TULP4: variants seen among roughly 807,000 people sequenced by gnomAD.
The protein encoded by TULP4 is tubby-related protein 4.
TULP4 carries 16 observed loss-of-function variants against 129.0 expected under a neutral mutation model. The ratio of observed to expected loss-of-function variants is 0.12; its 90% CI spans 0.08 to 0.19. TULP4 has a LOEUF of 0.19. TULP4 is among the 10% of genes least tolerant of loss of function. The pLI is 1.00. For synonymous variants in TULP4, 998 were observed against 854.0 expected, an observed-to-expected ratio of 1.17 and a Z score of -2.94; for missense variants, 1,842 against 2,059.1, an observed-to-expected ratio of 0.89 and a Z score of 2.04.
intron 1 of TULP4, among the ~76,000 whole-genome samples, chr6:158,295,073 G>T (rs1256531183): frequency 2.0e-5 from 3 of 152,080 alleles, no homozygotes; most frequent in African/African-American, 7.2e-5. Context: ...ACATTAGGGT[G>T]TTTGCATATT....
At chr6:158,344,845 G>A (rs989147166) in intron 1 of TULP4, among the ~76,000 whole-genome samples, 7 of 152,188 alleles carry the variant, frequency 4.6e-5, no homozygotes, top group Admixed American at 1.3e-4. Flanking sequence ...ATCTAAAGCC[G>A]AGACAAGCTG....
chr6:158,485,714 A>T (rs112667883), intron 8 of TULP4, among the ~76,000 whole-genome samples: 1,591 of 152,326 alleles, frequency 0.01, 27 homozygotes, highest in African/African-American at 0.037. Flanking sequence ...CTGACACCCC[A>T]GTAGGCCTGG....
At chr6:158,444,347 T>C (rs1348441676) in intron 3 of TULP4, among the ~76,000 whole-genome samples, 1 of 149,578 alleles carries the variant, frequency 6.7e-6, no homozygotes, top group East Asian at 2.0e-4. Flanking sequence ...CATTTCTCTA[T>C]CTGCAGCTAC....
At chr6:158,378,621 A>G (rs1306136092) in intron 1 of TULP4, among the ~76,000 whole-genome samples, 5 of 151,952 alleles carry the variant, frequency 3.3e-5, no homozygotes, top group African/African-American at 4.8e-5. Context: ...AGTAGCTGGA[A>G]TTACAGGCAT....
At chr6:158,235,419 A>C (rs1480127231) in intron 1 of TULP4, among the ~76,000 whole-genome samples, 2 of 152,210 alleles carry the variant, frequency 1.3e-5, no homozygotes, top group East Asian at 3.8e-4. Flanking sequence ...GCAATCACAC[A>C]GTATTTGCCC....
intron 1 of TULP4, among the ~76,000 whole-genome samples, chr6:158,267,493 G>A (rs1368681669): frequency 6.6e-6 from 1 of 152,186 alleles, no homozygotes; most frequent in Non-Finnish European, 1.5e-5. Flanking sequence ...AGGGAGGGTA[G>A]GACCTGGGAG....
intron 1 of TULP4, among the ~76,000 whole-genome samples, chr6:158,356,193 G>A (rs529579968): frequency 4.6e-4 from 70 of 152,304 alleles, no homozygotes; most frequent in Middle Eastern, 3.4e-3. Flanking sequence ...TGTTTAAATC[G>A]TGGCTGAAAT....
At chr6:158,366,435 C>T (rs1292752699) in intron 1 of TULP4, among the ~76,000 whole-genome samples, 1 of 152,230 alleles carries the variant, frequency 6.6e-6, no homozygotes, top group African/African-American at 2.4e-5. Context: ...GCTGCAGGCT[C>T]TTGAGCTTCC....
In TULP4 at chr6:158,453,485, C is replaced by CAAAAAAA. The variant is rs869146924; in HGVS notation, c.859+1235_859+1241dup. 2.3e-3 allele frequency among the ~76,000 whole-genome samples: 42 copies of CAAAAAAA among 17,984 alleles called. 5 individuals carry two copies. The highest frequency in any genetic ancestry group is 7.7e-3 in the African/African-American group (37 of 4,796). The allele number at this position is 17,984 out of a possible 152,430, so 11.8% of individuals were successfully genotyped here. ...GGTGACAGAGCGAGACTCTGTCTCA[C>CAAAAAAA]AAAAAAAAAAAAAAAAAAAAAAAAG... On this transcript the variant is annotated intron_variant, in intron 5 of 13. Coordinates refer to ENST00000367097, the MANE Select transcript of TULP4 (RefSeq NM_020245.5).
intron 1 of TULP4, among the ~76,000 whole-genome samples, chr6:158,339,376 A>G (rs1368982435): frequency 4.6e-5 from 7 of 152,194 alleles, no homozygotes; most frequent in Admixed American, 1.3e-4. Context: ...TAGAACCACT[A>G]AAGAACTTCT....
chr6:158,275,268 T>A (rs6927137), intron 1 of TULP4, among the ~76,000 whole-genome samples: 1 of 151,954 alleles, frequency 6.6e-6, no homozygotes, highest in Non-Finnish European at 1.5e-5. Context: ...TCTTCTTCAT[T>A]TGCCACGGTG....
chr6:158,416,227 A>G (rs1778205783), intron 2 of TULP4, among the ~76,000 whole-genome samples: 1 of 152,194 alleles, frequency 6.6e-6, no homozygotes, highest in Non-Finnish European at 1.5e-5. Context: ...CTCCCAGTCC[A>G]CTGACTCAAA....
intron 1 of TULP4, among the ~76,000 whole-genome samples, chr6:158,395,356 G>A (rs1225056839): frequency 2.6e-5 from 4 of 152,094 alleles, no homozygotes; most frequent in South Asian, 2.1e-4. Context: ...TGAGGCAGGC[G>A]GATCACCTAA....
rs966460650 is a variant in TULP4, at chr6:158,493,768, C to T, written c.1776+51C>T. ...TGCTCCCCTCCTCCTGGGGGCTATGCCCAGAGGGCCCCTTCCTACCCGCCG... is the reference window on the plus strand; with the variant it reads ...TGCTCCCCTCCTCCTGGGGGCTATGTCCAGAGGGCCCCTTCCTACCCGCCG... On this transcript the variant is annotated intron_variant, in intron 10 of 13. Coordinates refer to ENST00000367097, the MANE Select transcript of TULP4 (RefSeq NM_020245.5). The surrounding 1 kb of genome is among the most constrained non-coding windows in gnomAD (Gnocchi z 4.4). The T allele has an allele frequency of 2.0e-6, 3 of 1,477,366 alleles. No individual in the cohort carries two copies. The highest frequency in any genetic ancestry group is 2.6e-5 in the East Asian group (1 of 38,270). The allele number at this position is 1,477,366 out of a possible 1,614,324, so 91.5% of individuals were successfully genotyped here.
chr6:158,238,349 T>G, intron 1 of TULP4: 1 of 757,404 alleles, frequency 1.3e-6, no homozygotes, highest in Admixed American at 2.0e-5. Context: ...GAATGTAAAC[T>G]GGCAGATATT....
intron 1 of TULP4, among the ~76,000 whole-genome samples, chr6:158,337,974 C>A (rs766383042): frequency 6.6e-6 from 1 of 152,136 alleles, no homozygotes; most frequent in Non-Finnish European, 1.5e-5. Flanking sequence ...TAAAGTCACA[C>A]TTTCACCCAA....
At chr6:158,498,586 G>T in intron 11 of TULP4, 83 bp from the exon 12 acceptor site, 1 of 1,552,396 alleles carries the variant, frequency 6.4e-7, no homozygotes, top group South Asian at 1.1e-5. Context: ...ACTGCAGTGC[G>T]CTCTTCTTCC....
At chr6:158,248,462 G>A (rs927095877) in intron 1 of TULP4, among the ~76,000 whole-genome samples, 3 of 152,034 alleles carry the variant, frequency 2.0e-5, no homozygotes, top group African/African-American at 4.8e-5. Flanking sequence ...GTAGAGACGG[G>A]GTTTCATTGT....
At chr6:158,442,359 G>A (rs535567198) in intron 3 of TULP4, among the ~76,000 whole-genome samples, 2 of 152,212 alleles carry the variant, frequency 1.3e-5, no homozygotes, top group East Asian at 1.9e-4. Context: ...CTGACACTTG[G>A]GAGGCAGAAT....
Sources: gnomAD v4.1 joint callset for allele counts (sites outside exome capture counted in the v4.1 genomes callset) on GRCh38, gnomAD v4.1.1 for gene constraint, Gnocchi (gnomAD v3.1) non-coding constraint, MANE v1.5 for transcripts, NCBI Gene and HGNC (gene_info 2026-07-23, HGNC 2026-07-21) for gene names.